TRIM2: variants seen among roughly 807,000 people sequenced by gnomAD.
TRIM2 encodes the protein tripartite motif-containing protein 2.
In TRIM2, 20 loss-of-function variants were observed where a neutral mutation model predicts 75.2. The ratio of observed to expected loss-of-function variants is 0.27; its 90% CI spans 0.19 to 0.39. TRIM2 has a LOEUF of 0.39. Ranked by LOEUF, TRIM2 falls within the 10% of genes least tolerant of loss-of-function variation. TRIM2 has a pLI of 1.00. For missense variants in TRIM2, 660 were observed against 990.8 expected, an observed-to-expected ratio of 0.67 and a Z score of 4.48; for synonymous variants, 373 against 388.3, an observed-to-expected ratio of 0.96 and a Z score of 0.46.
chr4:153,244,349 T>TTCTTCCTCTTCCTCTTCCTCTTCC (rs1560874188), intron 1 of TRIM2, among the ~76,000 whole-genome samples: 1 of 30,476 alleles, frequency 3.3e-5, no homozygotes, highest in Non-Finnish European at 5.2e-5. Flanking sequence ...CTTCTTCTTC[T>TTCTTCCTCTTCCTCTTCCTCTTCC]TCTTCCTCTT....
chr4:153,202,612 T>A (rs1389931889), upstream of TRIM2, among the ~76,000 whole-genome samples: 2 of 148,314 alleles, frequency 1.3e-5, no homozygotes, highest in Non-Finnish European at 1.5e-5. Context: ...GGCAGGAGAA[T>A]GGCCTGAACC....
chr4:153,288,549 A>C (rs1474995590), intron 3 of TRIM2, among the ~76,000 whole-genome samples: 1 of 152,092 alleles, frequency 6.6e-6, no homozygotes, highest in East Asian at 1.9e-4. Context: ...GTTTGGTTAT[A>C]CTGTTTCCTG....
intron 1 of TRIM2, among the ~76,000 whole-genome samples, chr4:153,223,571 T>C (rs1741294408): frequency 6.6e-6 from 1 of 152,156 alleles, no homozygotes; most frequent in Non-Finnish European, 1.5e-5. Context: ...TTGGTGTATG[T>C]ATTCTGAAAA....
At chr4:153,172,632 T>G (rs1731003336) in intron 1 of TRIM2, among the ~76,000 whole-genome samples, 1 of 152,198 alleles carries the variant, frequency 6.6e-6, no homozygotes, top group East Asian at 1.9e-4. Flanking sequence ...GTGCCCACCC[T>G]CTGCCCAATG....
At chr4:153,159,508 A>G (rs974437734) in intron 1 of TRIM2, among the ~76,000 whole-genome samples, 1 of 151,762 alleles carries the variant, frequency 6.6e-6, no homozygotes, top group African/African-American at 2.4e-5. Context: ...GTCTCGCCAT[A>G]TTGTTCATGC....
intron 1 of TRIM2, among the ~76,000 whole-genome samples, chr4:153,189,190 T>C (rs966816953): frequency 6.6e-6 from 1 of 152,180 alleles, no homozygotes; most frequent in African/African-American, 2.4e-5. Context: ...TGGCTTCTTG[T>C]ACTTCAGTAA....
At chr4:153,168,640 C>CAGTT (rs1730545260) in intron 1 of TRIM2, among the ~76,000 whole-genome samples, 1 of 147,912 alleles carries the variant, frequency 6.8e-6, no homozygotes, top group Non-Finnish European at 1.5e-5. Flanking sequence ...CAAATAAAAC[C>CAGTT]AGTTGGGTGA....
chr4:153,324,055 AT>A (rs751392701), intron 9 of TRIM2, 22 bp from the exon 10 acceptor site: 1 of 1,601,748 alleles, frequency 6.2e-7, no homozygotes, highest in Non-Finnish European at 8.5e-7. Context: ...GTCATCACAT[AT>A]TTTTTTCCAT....
In TRIM2 at chr4:153,204,471, T is replaced by C. The variant is rs1734832580; in HGVS notation, c.-60T>C. On this transcript the variant is annotated 5_prime_UTR_variant, in exon 1 of 12. Transcript: ENST00000338700. ...AGCTTGATGACTATAATGGGCCCAGTTGTCTGCGGGCTGCGGGGAGCTAAG... is the reference window on the plus strand; with the variant it reads ...AGCTTGATGACTATAATGGGCCCAGCTGTCTGCGGGCTGCGGGGAGCTAAG... The C allele has an allele frequency of 3.2e-6, 5 of 1,546,158 alleles. No homozygotes were observed. Among genetic ancestry groups the C allele is most frequent in the East Asian group, 2.4e-5 (1 of 40,902 alleles).
chr4:153,338,458 TTATCTAA>T lies in TRIM2; in HGVS notation c.*3494_*3500del. 1.0e-6 allele frequency: 1 copy of T among 985,732 alleles called. No homozygotes were observed. The highest frequency in any genetic ancestry group is 1.2e-6 in the Non-Finnish European group (1 of 829,864). 61.1% of individuals were successfully genotyped at this position (985,732 alleles called of 1,614,324 possible). On this transcript the variant is annotated 3_prime_UTR_variant, in exon 12 of 12. Coordinates refer to ENST00000338700, the MANE Select transcript of TRIM2 (RefSeq NM_015271.5). ...AAATGAAAGCTATTTCATGCAAACA[TTATCTAA>T]TTTAGCTTAAAAGTGAAAGTGGTAA...
chr4:153,200,271 CCCT>C (rs1361121474), upstream of TRIM2, among the ~76,000 whole-genome samples: 1 of 152,094 alleles, frequency 6.6e-6, no homozygotes, highest in Non-Finnish European at 1.5e-5. Flanking sequence ...AAGGGAGTCT[CCCT>C]GTGTTGCCCA....
Position 153,338,550 on chromosome 4 carries a change from T to C in TRIM2, c.*3584T>C. Reference sequence around the variant, plus strand: ...AACTTTATAATTACTTTAATATTTTTGATAACTAGAAATCTAGTATTGCCA... The same window carrying C: ...AACTTTATAATTACTTTAATATTTTCGATAACTAGAAATCTAGTATTGCCA... On this transcript the variant is annotated 3_prime_UTR_variant, in exon 12 of 12. Transcript: ENST00000338700. 2.0e-6 allele frequency: 2 copies of C among 984,098 alleles called. No homozygotes were observed. Among genetic ancestry groups the C allele is most frequent in the African/African-American group, 1.7e-5 (1 of 57,308 alleles). The allele number at this position is 984,098 out of a possible 1,614,324, so 61.0% of individuals were successfully genotyped here. A position where few individuals can be genotyped will look rare whatever the true frequency, so the allele number is the denominator to read the frequency against.
At chr4:153,195,511 G>A (rs964659591) in intron 1 of TRIM2, among the ~76,000 whole-genome samples, 2 of 152,088 alleles carry the variant, frequency 1.3e-5, no homozygotes, top group African/African-American at 4.8e-5. Context: ...GTGAGACCCA[G>A]TCTCAAAAGA....
At chr4:153,214,172 A>G (rs530780404) in intron 1 of TRIM2, among the ~76,000 whole-genome samples, 12 of 152,318 alleles carry the variant, frequency 7.9e-5, no homozygotes, top group African/African-American at 2.2e-4. Context: ...ACATCTTACA[A>G]AAGTGCTTTT....
In TRIM2 at chr4:153,328,764, T is replaced by G. The variant is rs1353427332; in HGVS notation, c.2163+94T>G. ...CCCCAAACTGGAATGTTTTCTCTTT[T>G]CCATTGGTTAGGACATAGAACCATA... On this transcript the variant is annotated intron_variant, in intron 11 of 11. Coordinates refer to ENST00000338700, the MANE Select transcript of TRIM2 (RefSeq NM_015271.5). 3.6e-6 allele frequency: 5 copies of G among 1,405,994 alleles called. No homozygotes were observed. The East Asian group carries it at 1.2e-4, about 35-fold the overall frequency. 87.1% of individuals were successfully genotyped at this position (1,405,994 alleles called of 1,614,324 possible).
chr4:153,202,324 A>T (rs1032539583), upstream of TRIM2, among the ~76,000 whole-genome samples: 6 of 152,234 alleles, frequency 3.9e-5, no homozygotes, highest in Non-Finnish European at 7.3e-5. Flanking sequence ...CACAGTTTGT[A>T]TGCCTATAAT....
intron 1 of TRIM2, among the ~76,000 whole-genome samples, chr4:153,247,402 G>A (rs972969772): frequency 1.4e-4 from 22 of 152,178 alleles, no homozygotes; most frequent in African/African-American, 4.8e-4. Context: ...GGCACCAGGC[G>A]CGGTCACTCA....
chr4:153,244,168 CTTCTT>C, intron 1 of TRIM2, among the ~76,000 whole-genome samples: 1 of 146,182 alleles, frequency 6.8e-6, no homozygotes, highest in African/African-American at 2.7e-5. Context: ...TCTTCTTCTT[CTTCTT>C]CTTCTTCTCC....
rs745362782 is a variant in TRIM2 at position 153,337,101 on chromosome 4, C to T, written c.*2135C>T. The T allele has an allele frequency of 9.1e-6, 9 of 985,244 alleles. No individual in the cohort carries two copies. In the South Asian group the frequency reaches 1.4e-4, roughly 15 times the overall value. The allele number at this position is 985,244 out of a possible 1,614,324, so 61.0% of individuals were successfully genotyped here. ...CTGGGGTGGGAATTTCATTTTGCCA[C>T]GTACTAACGTTCTGCACAAAAGACA... On this transcript the variant is annotated 3_prime_UTR_variant, in exon 12 of 12. Transcript: ENST00000338700.
Sources: allele counts gnomAD v4.1 joint callset (sites outside exome capture counted in the v4.1 genomes callset), GRCh38; gene constraint gnomAD v4.1.1; transcripts MANE v1.5; gene names NCBI Gene and HGNC (gene_info 2026-07-23, HGNC 2026-07-21).